IAH1: variants seen among roughly 807,000 people sequenced by gnomAD.
IAH1 encodes isoamyl acetate-hydrolyzing esterase 1 homolog.
A neutral mutation model predicts 26.7 loss-of-function variants in IAH1; 24 were observed. That is an observed-to-expected ratio of 0.90 (90% CI 0.65 to 1.26). The LOEUF (loss-of-function observed/expected upper bound fraction) is 1.26, where lower values mean the gene tolerates loss of function less well. IAH1 is among the 50% of genes most tolerant of loss of function. IAH1 has a pLI of 0.00. For missense variants in IAH1, 300 were observed against 299.9 expected (o/e 1.00, Z 0.00); for synonymous variants, 140 against 118.5 (o/e 1.18, Z -1.18).
chr2:9,481,533 G>T (rs994069006), intron 4 of IAH1, 86 bp downstream of exon 4: 76 of 1,348,704 alleles, frequency 5.6e-5, no homozygotes, highest in Admixed American at 2.0e-5. Flanking sequence ...CCTGCCTGGG[G>T]CTTCTGTTTC....
the IAH1 span, chr2:9,510,168 A>G: frequency 1.2e-6 from 2 of 1,610,788 alleles, no homozygotes; most frequent in Non-Finnish European, 1.7e-6. Context: ...ATTTCTCAAT[A>G]TCCAGCCATC....
chr2:9,509,921 T>G, the IAH1 span: 1 of 1,588,666 alleles, frequency 6.3e-7, no homozygotes, highest in South Asian at 1.1e-5. Flanking sequence ...GCTCTCATTA[T>G]GATCATTATA....
At chr2:9,510,003 C>T in the IAH1 span, 1 of 1,614,052 alleles carries the variant, frequency 6.2e-7, no homozygotes, top group South Asian at 1.1e-5. Context: ...GATCGCCACT[C>T]ACAGCTATGG....
chr2:9,494,872 C>A (rs1662449011), intron 6 of IAH1: 10 of 1,416,142 alleles, frequency 7.1e-6, no homozygotes, highest in Non-Finnish European at 8.6e-6. Flanking sequence ...TAAGAAATCA[C>A]ATTTATTTTT....
chr2:9,491,926 C>T (rs937459730), downstream of IAH1, among the ~76,000 whole-genome samples: 4 of 152,214 alleles, frequency 2.6e-5, no homozygotes, highest in East Asian at 3.8e-4. Flanking sequence ...TAGAAGCAAT[C>T]GTGATGGATG....
Position 9,476,040 on chromosome 2 carries a change from G to A in IAH1, c.134+1G>A. 1 of 1,612,930 alleles carries A rather than the reference G, an allele frequency of 6.2e-7. No homozygotes were observed. Among genetic ancestry groups the A allele is most frequent in the Non-Finnish European group, 8.5e-7 (1 of 1,179,248 alleles). ...CATCGCTGGCTGACAGGCTGGTCAG[G>A]TGAGAATGGTTTCCGATACTTGAGT... On this transcript the variant is annotated splice_donor_variant, in intron 2 of 5. Coordinates refer to ENST00000497473, the MANE Select transcript of IAH1 (RefSeq NM_001039613.3). LOFTEE classifies it high-confidence loss of function.
Position 9,475,978 on chromosome 2 carries a change from T to C in IAH1, c.82-9T>C. ...CATTAGTAGTAATAATGGGCTTTTC[T>C]TCCTCCAGTTTTCCTTCCAGCAGGG... On this transcript the variant is annotated splice_polypyrimidine_tract_variant and intron_variant, in intron 1 of 5. Coordinates refer to ENST00000497473, the MANE Select transcript of IAH1 (RefSeq NM_001039613.3). 6.2e-7 allele frequency: 1 copy of C among 1,613,220 alleles called. No individual in the cohort carries two copies. The highest frequency in any genetic ancestry group is 8.5e-7 in the Non-Finnish European group (1 of 1,179,536).
At chr2:9,502,034 T>C in the IAH1 span, 1 of 727,408 alleles carries the variant, frequency 1.4e-6, no homozygotes, top group Non-Finnish European at 2.3e-6. Context: ...TGTCACAAAC[T>C]AAGGAGTGCC....
downstream of IAH1, among the ~76,000 whole-genome samples, chr2:9,499,454 T>C (rs1662865586): frequency 6.6e-6 from 1 of 152,048 alleles, no homozygotes; most frequent in African/African-American, 2.4e-5. Flanking sequence ...CAGGCTGGAG[T>C]GCAGTGGCGT....
intron 4 of IAH1, among the ~76,000 whole-genome samples, chr2:9,484,101 G>A (rs531787480): frequency 6.6e-5 from 10 of 152,196 alleles, no homozygotes; most frequent in Admixed American, 5.9e-4. Flanking sequence ...TCCTGCAGCC[G>A]GCACTCTCCA....
At chr2:9,505,479 C>A in the IAH1 span, 2 of 1,102,640 alleles carry the variant, frequency 1.8e-6, no homozygotes, top group Non-Finnish European at 2.6e-6. Flanking sequence ...CCATCAGAGC[C>A]ACCCTGGAGT....
At chr2:9,504,763 GA>G in the IAH1 span, among the ~76,000 whole-genome samples, 50,926 of 117,660 alleles carry the variant, frequency 0.43, 9,705 homozygotes, top group Middle Eastern at 0.64. Flanking sequence ...TCTGTCTCAG[GA>G]AAAAAAAAAA....
upstream of IAH1, chr2:9,474,424 G>T (rs1572822900): frequency 6.8e-6 from 3 of 440,462 alleles, no homozygotes; most frequent in Middle Eastern, 6.1e-4. The surrounding 1 kb of genome is among the most constrained non-coding windows in gnomAD (Gnocchi z 4.3). Flanking sequence ...TCTTGCAAAC[G>T]GACTCCAAGG....
At chr2:9,508,624 A>T in the IAH1 span, among the ~76,000 whole-genome samples, 1 of 152,186 alleles carries the variant, frequency 6.6e-6, no homozygotes, top group African/African-American at 2.4e-5. Context: ...ATTATTAAAA[A>T]TTTAAATAAA....
At chr2:9,498,919 T>C (rs1051522843), downstream of IAH1, among the ~76,000 whole-genome samples, 7 of 152,190 alleles carry the variant, frequency 4.6e-5, no homozygotes, top group African/African-American at 1.7e-4. Flanking sequence ...CTATCTAGCA[T>C]GGTCCCCAAA....
At chr2:9,493,747 C>CAAA (rs1462182218), downstream of IAH1, 1 of 1,613,136 alleles carries the variant, frequency 6.2e-7, no homozygotes, top group Non-Finnish European at 8.5e-7. Flanking sequence ...AATCACCTAC[C>CAAA]AAAAGTATTG....
chr2:9,474,237 C>T (rs1358868877), upstream of IAH1, among the ~76,000 whole-genome samples: 1 of 152,132 alleles, frequency 6.6e-6, no homozygotes, highest in Admixed American at 6.5e-5. The surrounding 1 kb of genome is among the most constrained non-coding windows in gnomAD (Gnocchi z 4.3). Flanking sequence ...TGCTTCCCGC[C>T]GCGCGTCCTG....
At chr2:9,499,860 T>C (rs1057120251), downstream of IAH1, among the ~76,000 whole-genome samples, 3 of 152,268 alleles carry the variant, frequency 2.0e-5, no homozygotes, top group African/African-American at 7.2e-5. Flanking sequence ...CAGCTTTCTG[T>C]TTGCATCCTT....
chr2:9,510,648 G>T, the IAH1 span, among the ~76,000 whole-genome samples: 1 of 149,626 alleles, frequency 6.7e-6, no homozygotes, highest in Non-Finnish European at 1.5e-5. Context: ...TGGGAGACAG[G>T]GCGAGACTTC....
Sources: allele counts gnomAD v4.1 joint callset (sites outside exome capture counted in the v4.1 genomes callset), GRCh38; gene constraint gnomAD v4.1.1; non-coding constraint Gnocchi (gnomAD v3.1); transcripts MANE v1.5; gene names NCBI Gene and HGNC (gene_info 2026-07-23, HGNC 2026-07-21).